Variants in PCDH17 observed in about 807,000 individuals in gnomAD.
PCDH17 encodes protocadherin 17, also known as protocadherin-17.
Under a neutral mutation model 67.7 loss-of-function variants are expected in PCDH17, and 21 were observed. The ratio of observed to expected loss-of-function variants is 0.31; its 90% CI spans 0.22 to 0.45. The LOEUF (loss-of-function observed/expected upper bound fraction) is 0.45. Ranked by LOEUF, PCDH17 falls within the 20% of genes least tolerant of loss-of-function variation. PCDH17 has a pLI of 1.00. For missense variants in PCDH17, 1,471 were observed against 1,564.8 expected (o/e 0.94, Z 1.01); for synonymous variants, 701 against 656.7 (o/e 1.07, Z -1.03).
At chr13:57,716,998 T>A (rs562202740) in intron 3 of PCDH17, among the ~76,000 whole-genome samples, 2 of 152,136 alleles carry the variant, frequency 1.3e-5, no homozygotes, top group East Asian at 3.9e-4. Context: ...GGTGGGACGT[T>A]TGAATTGTAT....
chr13:57,662,980 A>G (rs1310214538), intron 1 of PCDH17, among the ~76,000 whole-genome samples: 1 of 152,146 alleles, frequency 6.6e-6, no homozygotes, highest in African/African-American at 2.4e-5. Context: ...AGGAGAGTAC[A>G]TTCAGTATGA....
chr13:57,702,880 C>A (rs538123429), intron 3 of PCDH17, among the ~76,000 whole-genome samples: 1 of 152,114 alleles, frequency 6.6e-6, no homozygotes, highest in African/African-American at 2.4e-5. Context: ...TAGAAGGAGG[C>A]ACAGTTAAAG....
At chr13:57,709,724 A>G (rs1308378876) in intron 3 of PCDH17, 9 of 152,136 alleles carry the variant, frequency 5.9e-5, no homozygotes. Context: ...TCACAAGTAG[A>G]CTTCAGTCTG....
chr13:57,698,246 TAC>T (rs541352708), intron 3 of PCDH17, among the ~76,000 whole-genome samples: 39 of 151,372 alleles, frequency 2.6e-4, no homozygotes, highest in African/African-American at 5.8e-4. Flanking sequence ...CATATAGATA[TAC>T]ACACACACAC....
At chr13:57,703,819 C>T (rs766113928) in intron 3 of PCDH17, among the ~76,000 whole-genome samples, 1 of 151,950 alleles carries the variant, frequency 6.6e-6, no homozygotes, top group Non-Finnish European at 1.5e-5. Flanking sequence ...TTAATTATGA[C>T]CTTTTTAATG....
intron 3 of PCDH17, among the ~76,000 whole-genome samples, chr13:57,672,103 T>A (rs1033825173): frequency 1.3e-5 from 2 of 152,052 alleles, no homozygotes; most frequent in African/African-American, 4.8e-5. Context: ...AAATCCAATT[T>A]TTAAAATCCA....
intron 3 of PCDH17, among the ~76,000 whole-genome samples, chr13:57,689,847 T>C (rs1468402990): frequency 2.0e-5 from 3 of 151,928 alleles, no homozygotes; most frequent in African/African-American, 7.2e-5. Flanking sequence ...AAAAATAATA[T>C]GTATACACAT....
At chr13:57,705,686 C>T (rs909205835) in intron 3 of PCDH17, among the ~76,000 whole-genome samples, 1 of 152,032 alleles carries the variant, frequency 6.6e-6, no homozygotes, top group African/African-American at 2.4e-5. Flanking sequence ...ACACAGTACA[C>T]AAACTGAAAA....
chr13:57,652,284 C>CAAAAAAAAAA (rs11435613), intron 1 of PCDH17, among the ~76,000 whole-genome samples: 1 of 117,262 alleles, frequency 8.5e-6, no homozygotes, highest in African/African-American at 3.3e-5. Context: ...GACTCCGTCT[C>CAAAAAAAAAA]AAAAAAAAAA....
intron 1 of PCDH17, among the ~76,000 whole-genome samples, chr13:57,639,555 T>C (rs976837816): frequency 6.6e-6 from 1 of 151,962 alleles, no homozygotes; most frequent in African/African-American, 2.4e-5. Flanking sequence ...TATTAACTTC[T>C]TGATTCCATT....
In PCDH17 at chr13:57,634,197, A is replaced by C. The variant is rs772858383; in HGVS notation, c.1651A>C (p.Lys551Gln). 1.2e-6 allele frequency: 2 copies of C among 1,613,308 alleles called. No individual in the cohort carries two copies. The highest frequency in any genetic ancestry group is 3.3e-5 in the Admixed American group (2 of 59,990). Reference protein sequence around the residue: ...NFEQTKAFEFKVLAKDSGAPA... With the variant: ...NFEQTKAFEFQVLAKDSGAPA... Reference sequence around the variant, plus strand: ...CGAGCAGACCAAGGCTTTTGAGTTCAAGGTGCTTGCTAAGGACTCGGGGGC... The same window carrying C: ...CGAGCAGACCAAGGCTTTTGAGTTCCAGGTGCTTGCTAAGGACTCGGGGGC... Residue 551 changes from lysine (K) to glutamine (Q), a missense_variant, in exon 1 of 4, where the codon AAG becomes CAG. Physicochemically the swap from Lys to Gln is moderately conservative, Grantham distance 53 (BLOSUM62 1). Around this residue, in one of 3 missense-constraint regions of PCDH17, gnomAD observed 1,163 missense variants for 1,230.0 expected, o/e 0.95. Coordinates refer to ENST00000377918, the MANE Select transcript of PCDH17 (RefSeq NM_001040429.3). The surrounding 1 kb of genome is among the most constrained non-coding windows in gnomAD (Gnocchi z 7.8).
intron 3 of PCDH17, among the ~76,000 whole-genome samples, chr13:57,698,518 T>C (rs946433098): frequency 6.6e-6 from 1 of 151,916 alleles, no homozygotes; most frequent in African/African-American, 2.4e-5. Context: ...TTTTACAATA[T>C]GGGCACTATT....
At chr13:57,655,443 A>T (rs1011418964) in intron 1 of PCDH17, among the ~76,000 whole-genome samples, 8 of 151,970 alleles carry the variant, frequency 5.3e-5, no homozygotes, top group Non-Finnish European at 1.0e-4. Flanking sequence ...ACAGACTTGT[A>T]GTCTGTTATA....
In PCDH17 at chr13:57,725,317, T is replaced by C; in HGVS notation, c.*23T>C. ...TGAAAAAAGAAAAAAAAAAAGGCAT[T>C]GGCATTTTCTTGTCTCTTCTGTTGA... On this transcript the variant is annotated 3_prime_UTR_variant, in exon 4 of 4. Coordinates refer to ENST00000377918, the MANE Select transcript of PCDH17 (RefSeq NM_001040429.3). The C allele has an allele frequency of 6.5e-7, 1 of 1,548,720 alleles. No individual in the cohort carries two copies. The highest frequency in any genetic ancestry group is 8.8e-7 in the Non-Finnish European group (1 of 1,136,908).
At chr13:57,682,751 A>G (rs893605607) in intron 3 of PCDH17, among the ~76,000 whole-genome samples, 2 of 151,870 alleles carry the variant, frequency 1.3e-5, no homozygotes, top group African/African-American at 4.8e-5. Flanking sequence ...TTGATCGAGT[A>G]TTAAGACCAC....
intron 3 of PCDH17, among the ~76,000 whole-genome samples, chr13:57,667,351 G>A (rs1009567464): frequency 2.6e-5 from 4 of 151,860 alleles, no homozygotes; most frequent in Non-Finnish European, 5.9e-5. Context: ...TTACATCTAA[G>A]GCTTCATGAA....
At chr13:57,657,890 T>A (rs1955128652) in intron 1 of PCDH17, among the ~76,000 whole-genome samples, 1 of 152,180 alleles carries the variant, frequency 6.6e-6, no homozygotes, top group African/African-American at 2.4e-5. Context: ...GTTGTTCTGT[T>A]CACTACACAT....
intron 3 of PCDH17, among the ~76,000 whole-genome samples, chr13:57,675,304 T>C (rs550109828): frequency 1.3e-5 from 2 of 152,074 alleles, no homozygotes; most frequent in East Asian, 3.9e-4. Context: ...TCATTGATTC[T>C]TTCCTTAGTG....
chr13:57,724,990 C>T lies in PCDH17; in HGVS notation c.3176C>T (p.Ala1059Val), dbSNP rs1955902306. 1 of 1,614,050 alleles carries T rather than the reference C, an allele frequency of 6.2e-7. No homozygotes were observed. Among genetic ancestry groups the T allele is most frequent in the African/African-American group, 1.3e-5 (1 of 74,928 alleles). Residue 1059 changes from alanine to valine, a missense_variant, in exon 4 of 4, where the codon GCA (alanine) becomes GTA (valine). Physicochemically the swap from Ala to Val is moderately conservative, Grantham distance 64. This residue lies in a region of PCDH17 where 297 missense variants were observed against 298.6 expected (regional missense o/e 0.99). Coordinates refer to ENST00000377918, the MANE Select transcript of PCDH17 (RefSeq NM_001040429.3). ...AAAGGCTCCCTGGATGGCTGTGAAG[C>T]AAAACCAGGAGCCCTGGCTGAAGCA... ...STKGSLDGCE[A>V]KPGALAEASS...
Sources: gnomAD v4.1 joint callset for allele counts (sites outside exome capture counted in the v4.1 genomes callset) on GRCh38, gnomAD v4.1.1 for gene constraint, gnomAD v4.1.1 regional missense constraint, Gnocchi (gnomAD v3.1) non-coding constraint, MANE v1.5 for transcripts, NCBI Gene and HGNC (gene_info 2026-07-23, HGNC 2026-07-21) for gene names.